The following METTL15 variants were observed in gnomAD, a reference collection of about 807,000 sequenced individuals.
METTL15 encodes the protein methyltransferase 15, mitochondrial 12S rRNA N4-cytidine, also known as 12S rRNA N(4)-cytidine methyltransferase METTL15.
In METTL15, 34 loss-of-function variants were observed where a neutral mutation model predicts 38.3. The ratio of observed to expected loss-of-function variants is 0.89; its 90% CI spans 0.68 to 1.18. The LOEUF (loss-of-function observed/expected upper bound fraction) is 1.18, where lower values mean the gene tolerates loss of function less well. Among genes scored for constraint, METTL15 ranks in the 50% most tolerant of loss-of-function variants. The pLI is 0.00. For synonymous variants in METTL15, 162 were observed against 170.9 expected (o/e 0.95, Z 0.41); for missense variants, 438 against 498.4 (o/e 0.88, Z 1.15).
chr11:28,250,750 C>A (rs774229302), intron 4 of METTL15, among the ~76,000 whole-genome samples: 14 of 152,004 alleles, frequency 9.2e-5, no homozygotes, highest in Non-Finnish European at 1.5e-4. Context: ...ATCTTCAATT[C>A]TGTTTTTTAC....
chr11:28,169,761 T>C (rs1356642417), intron 3 of METTL15, among the ~76,000 whole-genome samples: 5 of 151,978 alleles, frequency 3.3e-5, no homozygotes, highest in Non-Finnish European at 7.4e-5. Flanking sequence ...AAAGTTAATA[T>C]AAGCCTTTCT....
intron 6 of METTL15, among the ~76,000 whole-genome samples, chr11:28,499,724 C>T (rs924641848): frequency 6.6e-6 from 1 of 151,116 alleles, no homozygotes; most frequent in Non-Finnish European, 1.5e-5. Flanking sequence ...CAAAAAAAGA[C>T]ACTGTTGGGC....
intron 3 of METTL15, among the ~76,000 whole-genome samples, chr11:28,173,368 G>A (rs1346388682): frequency 6.6e-6 from 1 of 152,152 alleles, no homozygotes; most frequent in Non-Finnish European, 1.5e-5. Flanking sequence ...AAGTGAAGAT[G>A]CAGCAAGAAG....
downstream of METTL15, among the ~76,000 whole-genome samples, chr11:28,335,909 T>TA (rs1849896649): frequency 1.3e-5 from 2 of 152,156 alleles, no homozygotes; most frequent in Non-Finnish European, 2.9e-5. Flanking sequence ...TTTATAGAAT[T>TA]AAAAATGGAC....
At chr11:28,220,966 G>C (rs528372368) in intron 4 of METTL15, among the ~76,000 whole-genome samples, 11 of 152,148 alleles carry the variant, frequency 7.2e-5, no homozygotes, top group East Asian at 1.9e-4. Flanking sequence ...GTGGGTAACC[G>C]GACCTTTCTC....
At chr11:28,347,572 T>C (rs376545157) in intron 3 of METTL15, among the ~76,000 whole-genome samples, 19 of 152,332 alleles carry the variant, frequency 1.2e-4, no homozygotes, top group African/African-American at 4.3e-4. Flanking sequence ...TAATGTCTTT[T>C]CCAATTCCTT....
At chr11:28,410,950 A>C (rs1250594576) in intron 5 of METTL15, among the ~76,000 whole-genome samples, 3 of 152,092 alleles carry the variant, frequency 2.0e-5, no homozygotes, top group Admixed American at 2.0e-4. Flanking sequence ...ACATACAAAT[A>C]GCATTTCTAT....
chr11:28,303,646 T>C (rs1856985231), intron 6 of METTL15, among the ~76,000 whole-genome samples: 4 of 152,146 alleles, frequency 2.6e-5, no homozygotes, highest in Admixed American at 2.6e-4. Flanking sequence ...ACTCATAAAC[T>C]GGGTACATAA....
chr11:28,446,116 G>T (rs1015235739), intron 6 of METTL15, among the ~76,000 whole-genome samples: 2 of 152,164 alleles, frequency 1.3e-5, no homozygotes. Flanking sequence ...TGGAGCATCT[G>T]TAACCACTGG....
intron 3 of METTL15, among the ~76,000 whole-genome samples, chr11:28,122,966 C>G (rs1284998432): frequency 6.6e-6 from 1 of 151,794 alleles, no homozygotes; most frequent in Non-Finnish European, 1.5e-5. Context: ...TTAAAATTAA[C>G]CAAAAAATTA....
chr11:28,117,426 T>G (rs544123698), intron 3 of METTL15, among the ~76,000 whole-genome samples: 2 of 152,110 alleles, frequency 1.3e-5, no homozygotes, highest in South Asian at 4.1e-4. Context: ...CAAATGCTTA[T>G]GTTGCACTAA....
At position 28,219,539 on chromosome 11, in the gene METTL15, T is replaced by G. The variant is rs1298193116; in HGVS notation, c.407+8341T>G. 4.6e-5 allele frequency among the ~76,000 whole-genome samples: 7 copies of G among 151,808 alleles called. No homozygotes were observed. In the East Asian group the frequency reaches 5.8e-4, roughly 13 times the overall value. On this transcript the variant is annotated intron_variant, in intron 4 of 6. Coordinates refer to ENST00000407364, the MANE Select transcript of METTL15 (RefSeq NM_001113528.2). ...CTTGATTTATTGATTTTTTTGAAGG[T>G]TTTTTTATGTCTCTAACTCCTTCAG...
intron 6 of METTL15, among the ~76,000 whole-genome samples, chr11:28,517,751 C>T (rs1851731333): frequency 1.3e-5 from 2 of 152,166 alleles, no homozygotes; most frequent in Non-Finnish European, 1.5e-5. Context: ...CAAAACAGCC[C>T]GCCACGGTTA....
intron 6 of METTL15, among the ~76,000 whole-genome samples, chr11:28,482,119 C>T (rs943024826): frequency 6.6e-6 from 1 of 152,106 alleles, no homozygotes; most frequent in Non-Finnish European, 1.5e-5. Context: ...CTCAAGCACT[C>T]TGTCAAATAG....
intron 4 of METTL15, among the ~76,000 whole-genome samples, chr11:28,267,161 A>C (rs895935050): frequency 3.0e-4 from 32 of 107,412 alleles, no homozygotes; most frequent in African/African-American, 1.3e-3. Flanking sequence ...ACTCCATCTC[A>C]AAAAAAAAAA....
chr11:28,222,316 A>G lies in METTL15; in HGVS notation c.407+11118A>G, dbSNP rs550292161. ...TTGATCTCAGACTGCTGTGCTAGCAATGAGTGAGGCTCCGTGGGCATAGGA... is the reference window on the plus strand; with the variant it reads ...TTGATCTCAGACTGCTGTGCTAGCAGTGAGTGAGGCTCCGTGGGCATAGGA... On this transcript the variant is annotated intron_variant, in intron 4 of 6. Coordinates refer to ENST00000407364, the MANE Select transcript of METTL15 (RefSeq NM_001113528.2). 2.4e-3 allele frequency among the ~76,000 whole-genome samples: 367 copies of G among 152,224 alleles called. 2 individuals are homozygous for G. The highest frequency in any genetic ancestry group is 4.4e-3 in the Non-Finnish European group (296 of 68,002).
chr11:28,208,879 T>C (rs796293876), intron 3 of METTL15, among the ~76,000 whole-genome samples: 2 of 152,178 alleles, frequency 1.3e-5, no homozygotes, highest in African/African-American at 4.8e-5. Context: ...TTACATGTGA[T>C]GAACAATGAA....
intron 4 of METTL15, among the ~76,000 whole-genome samples, chr11:28,272,290 T>G (rs1008749754): frequency 2.0e-5 from 3 of 152,098 alleles, no homozygotes; most frequent in African/African-American, 7.2e-5. Context: ...GCAGCACTGT[T>G]CACAACAGCA....
chr11:28,365,787 A>G (rs893272498), intron 5 of METTL15, among the ~76,000 whole-genome samples: 2 of 152,082 alleles, frequency 1.3e-5, no homozygotes, highest in Non-Finnish European at 2.9e-5. Context: ...GTGGCTCATG[A>G]GCGCCTGTAA....
Sources: gnomAD v4.1 joint callset for allele counts (sites outside exome capture counted in the v4.1 genomes callset) on GRCh38, gnomAD v4.1.1 for gene constraint, MANE v1.5 for transcripts, NCBI Gene and HGNC (gene_info 2026-07-23, HGNC 2026-07-21) for gene names.